Variants in COG5 observed in about 807,000 individuals in gnomAD.
COG5 encodes the protein component of oligomeric golgi complex 5.
In COG5, 86 loss-of-function variants were observed where a neutral mutation model predicts 110.4. That is an observed-to-expected ratio of 0.78 (90% CI 0.65 to 0.93). The LOEUF (loss-of-function observed/expected upper bound fraction) is 0.93. Ranked by LOEUF, COG5 falls within the 40% of genes least tolerant of loss-of-function variation. The pLI is 0.00. For missense variants in COG5, 1,077 were observed against 987.0 expected (o/e 1.09, Z -1.22); for synonymous variants, 360 against 334.6 (o/e 1.08, Z -0.83).
chr7:107,443,093 T>C (rs1468331474), intron 6 of COG5, among the ~76,000 whole-genome samples: 6 of 152,200 alleles, frequency 3.9e-5, no homozygotes, highest in African/African-American at 1.4e-4. Context: ...GAGAAAATAT[T>C]TGCAGAACCC....
intron 14 of COG5, among the ~76,000 whole-genome samples, chr7:107,261,997 T>A (rs543178807): frequency 6.6e-6 from 1 of 152,124 alleles, no homozygotes; most frequent in African/African-American, 2.4e-5. Context: ...TTCAAGTGAT[T>A]CTTGTGCCTC....
chr7:107,402,673 T>C (rs781015570), intron 7 of COG5, among the ~76,000 whole-genome samples: 2 of 152,212 alleles, frequency 1.3e-5, no homozygotes, highest in East Asian at 1.9e-4. Flanking sequence ...AAAGATTGTA[T>C]GGTGAGTAGA....
At chr7:107,547,357 G>C (rs1023723493) in intron 5 of COG5, among the ~76,000 whole-genome samples, 2 of 152,126 alleles carry the variant, frequency 1.3e-5, no homozygotes, top group Admixed American at 6.5e-5. Flanking sequence ...AAACTCTATA[G>C]AAGGAACGTA....
At chr7:107,360,670 C>A (rs969270398) in intron 10 of COG5, among the ~76,000 whole-genome samples, 1 of 152,180 alleles carries the variant, frequency 6.6e-6, no homozygotes, top group Non-Finnish European at 1.5e-5. Flanking sequence ...TACATCTGAT[C>A]CAGCTGCAGT....
chr7:107,451,825 G>A (rs1351480274), intron 6 of COG5, among the ~76,000 whole-genome samples: 1 of 152,028 alleles, frequency 6.6e-6, no homozygotes, highest in African/African-American at 2.4e-5. Flanking sequence ...CAAAATATGT[G>A]TTAATCAACT....
chr7:107,518,021 T>C (rs535322564), intron 6 of COG5, among the ~76,000 whole-genome samples: 2 of 152,216 alleles, frequency 1.3e-5, no homozygotes, highest in Non-Finnish European at 2.9e-5. Context: ...AGAAGAATTT[T>C]CAACCCAGAA....
chr7:107,483,207 G>C (rs78393140), intron 6 of COG5, among the ~76,000 whole-genome samples: 1 of 152,002 alleles, frequency 6.6e-6, no homozygotes, highest in East Asian at 1.9e-4. Flanking sequence ...GATAAATGCC[G>C]CAAATGGTAT....
intron 11 of COG5, among the ~76,000 whole-genome samples, chr7:107,319,657 A>C (rs534764711): frequency 6.6e-6 from 1 of 152,348 alleles, no homozygotes; most frequent in Non-Finnish European, 1.5e-5. Flanking sequence ...AGTAGCAGTT[A>C]CCTTTCCATG....
intron 6 of COG5, among the ~76,000 whole-genome samples, chr7:107,495,037 G>A (rs1375216731): frequency 1.3e-5 from 2 of 152,098 alleles, no homozygotes; most frequent in African/African-American, 4.8e-5. Flanking sequence ...AAAAGCAATC[G>A]AAAGTCAGAG....
intron 6 of COG5, among the ~76,000 whole-genome samples, chr7:107,453,851 C>T (rs1795500956): frequency 6.6e-6 from 1 of 152,088 alleles, no homozygotes; most frequent in Admixed American, 6.5e-5. Flanking sequence ...CAATGTCAAA[C>T]ATGAATTTAA....
chr7:107,414,112 C>T (rs1792518766), intron 6 of COG5, among the ~76,000 whole-genome samples: 1 of 152,152 alleles, frequency 6.6e-6, no homozygotes, highest in African/African-American at 2.4e-5. Context: ...ACAGATATAA[C>T]TGTTCAAAAA....
chr7:107,448,064 G>A (rs1484695489), intron 6 of COG5, among the ~76,000 whole-genome samples: 1 of 152,166 alleles, frequency 6.6e-6, no homozygotes. Context: ...GCTGAGGCAG[G>A]AGAATCACTT....
At chr7:107,243,609 C>T (rs1801822781) in intron 17 of COG5, among the ~76,000 whole-genome samples, 1 of 151,288 alleles carries the variant, frequency 6.6e-6, no homozygotes, top group African/African-American at 2.4e-5. Flanking sequence ...TTAGATAGAT[C>T]ATCAAGGCAG....
At chr7:107,563,552 G>GC (rs1804156663) in intron 1 of COG5, 6 of 500,768 alleles carry the variant, frequency 1.2e-5, no homozygotes, top group Non-Finnish European at 2.2e-5. Flanking sequence ...CATGGGGGGG[G>GC]GGGGGGTCGA....
chr7:107,481,324 C>T (rs897213296), intron 6 of COG5, among the ~76,000 whole-genome samples: 1 of 152,036 alleles, frequency 6.6e-6, no homozygotes, highest in East Asian at 1.9e-4. Context: ...TTCCCTCAGA[C>T]AGCTGTGGAC....
intron 1 of COG5, among the ~76,000 whole-genome samples, 197 bp from the exon 2 acceptor site, chr7:107,558,312 G>T: frequency 6.6e-6 from 1 of 152,206 alleles, no homozygotes; most frequent in East Asian, 1.9e-4. Flanking sequence ...AAAACATAAC[G>T]ACTGGCCAGG....
intron 14 of COG5, among the ~76,000 whole-genome samples, chr7:107,279,652 T>G (rs1478388678): frequency 6.6e-6 from 1 of 152,100 alleles, no homozygotes; most frequent in African/African-American, 2.4e-5. Flanking sequence ...CAATAATATA[T>G]TTTTAAAAAT....
At chr7:107,232,255 G>A (rs1453904371) in intron 18 of COG5, among the ~76,000 whole-genome samples, 1 of 152,202 alleles carries the variant, frequency 6.6e-6, no homozygotes, top group Non-Finnish European at 1.5e-5. Flanking sequence ...AAGACAGTAG[G>A]TGATAGGCTG....
At chr7:107,493,006 A>T (rs901123304) in intron 6 of COG5, among the ~76,000 whole-genome samples, 5 of 152,094 alleles carry the variant, frequency 3.3e-5, no homozygotes, top group African/African-American at 9.7e-5. Flanking sequence ...CCCCAATGTA[A>T]TAGTGTTGGG....
Sources: gnomAD v4.1 joint callset for allele counts (sites outside exome capture counted in the v4.1 genomes callset) on GRCh38, gnomAD v4.1.1 for gene constraint, MANE v1.5 for transcripts, NCBI Gene and HGNC (gene_info 2026-07-23, HGNC 2026-07-21) for gene names.